Variants in CAMK1D observed in about 807,000 individuals in gnomAD.
CAMK1D encodes the protein calcium/calmodulin-dependent protein kinase type 1D.
In CAMK1D, 9 loss-of-function variants were observed where a neutral mutation model predicts 47.7. The ratio of observed to expected loss-of-function variants is 0.19; its 90% CI spans 0.11 to 0.33. CAMK1D has a LOEUF of 0.33. CAMK1D is among the 10% of genes least tolerant of loss of function. The pLI is 1.00. For synonymous variants in CAMK1D, 184 were observed against 184.9 expected (o/e 0.99, Z 0.04); for missense variants, 291 against 488.7 (o/e 0.60, Z 3.81).
At chr10:12,377,219 TC>T (rs144043009) in intron 1 of CAMK1D, among the ~76,000 whole-genome samples, 74 of 151,498 alleles carry the variant, frequency 4.9e-4, no homozygotes, top group Admixed American at 1.4e-3. Context: ...AAAATGTTCT[TC>T]CCAGTGTTCT....
chr10:12,542,514 T>C (rs2815637), intron 1 of CAMK1D, among the ~76,000 whole-genome samples: 41,336 of 152,084 alleles, frequency 0.27, 6,508 homozygotes, highest in Admixed American at 0.35. Context: ...CACCGAGTGG[T>C]TGGTTTAGTG....
intron 6 of CAMK1D, among the ~76,000 whole-genome samples, chr10:12,801,792 G>A (rs944476786): frequency 1.3e-4 from 20 of 152,184 alleles, no homozygotes; most frequent in African/African-American, 4.1e-4. Flanking sequence ...TTAGGACATG[G>A]AATACATGAC....
Position 12,834,931 on chromosome 10 carries a change from T to C in CAMK1D, c.*6044T>C, listed in dbSNP as rs1410923912. The C allele has an allele frequency of 1.3e-5, 2 of 152,154 alleles. No individual in the cohort carries two copies. The highest frequency in any genetic ancestry group is 2.9e-5 in the Non-Finnish European group (2 of 68,030). The allele number at this position is 152,154 out of a possible 1,614,324, so 9.4% of individuals were successfully genotyped here. A position where few individuals can be genotyped will look rare whatever the true frequency, so the allele number is the denominator to read the frequency against. On this transcript the variant is annotated 3_prime_UTR_variant, in exon 11 of 11. Coordinates refer to ENST00000619168, the MANE Select transcript of CAMK1D (RefSeq NM_153498.4). ...GAACAAGAACATCAGCTCGGATGTT[T>C]GTCTCTCAGCCCTGACACCTGCCAC...
intron 1 of CAMK1D, among the ~76,000 whole-genome samples, chr10:12,368,814 T>G (rs1837926029): frequency 6.6e-6 from 1 of 151,742 alleles, no homozygotes; most frequent in Non-Finnish European, 1.5e-5. Context: ...ACGTTGACTT[T>G]ATTTATTTAT....
intron 2 of CAMK1D, among the ~76,000 whole-genome samples, chr10:12,571,832 G>T (rs1837337818): frequency 6.6e-6 from 1 of 152,020 alleles, no homozygotes; most frequent in African/African-American, 2.4e-5. Context: ...CTTTTTAGGG[G>T]CATCAAATTG....
chr10:12,565,798 C>G (rs370185415), intron 2 of CAMK1D, among the ~76,000 whole-genome samples: 3 of 152,132 alleles, frequency 2.0e-5, no homozygotes, highest in African/African-American at 7.2e-5. Context: ...GGAAGTTACC[C>G]AGGTCTGTGT....
At chr10:12,606,109 G>A (rs1838452662) in intron 2 of CAMK1D, among the ~76,000 whole-genome samples, 1 of 152,254 alleles carries the variant, frequency 6.6e-6, no homozygotes, top group South Asian at 2.1e-4. Flanking sequence ...GCCGCTTGGA[G>A]TTGAAAGCAG....
chr10:12,556,451 G>C (rs1836764175), intron 2 of CAMK1D, among the ~76,000 whole-genome samples: 1 of 152,164 alleles, frequency 6.6e-6, no homozygotes, highest in Non-Finnish European at 1.5e-5. Context: ...CTCAAGGGTA[G>C]GGGGTGCTGT....
intron 1 of CAMK1D, among the ~76,000 whole-genome samples, chr10:12,499,870 G>C (rs933718914): frequency 1.3e-5 from 2 of 152,182 alleles, no homozygotes; most frequent in African/African-American, 4.8e-5. Context: ...TATTCAAGGA[G>C]AGGGAATGAC....
intron 3 of CAMK1D, among the ~76,000 whole-genome samples, chr10:12,721,100 A>C (rs1169084438): frequency 6.8e-6 from 1 of 148,022 alleles, no homozygotes; most frequent in African/African-American, 2.5e-5. Flanking sequence ...CGTGATTAGC[A>C]AACATGCGCA....
chr10:12,648,711 TCCAC>T (rs1418992540), intron 2 of CAMK1D, among the ~76,000 whole-genome samples: 10 of 152,008 alleles, frequency 6.6e-5, no homozygotes, highest in East Asian at 5.8e-4. Context: ...CCTCAGGTGA[TCCAC>T]CCACCTCAGC....
chr10:12,826,924 T>A (rs1025448826), intron 10 of CAMK1D, among the ~76,000 whole-genome samples: 42 of 152,342 alleles, frequency 2.8e-4, no homozygotes, highest in African/African-American at 9.9e-4. Flanking sequence ...TGTCCCCATG[T>A]CTGAGCACAC....
chr10:12,409,088 C>G (rs1302495631), intron 1 of CAMK1D, among the ~76,000 whole-genome samples: 1 of 151,980 alleles, frequency 6.6e-6, no homozygotes, highest in Non-Finnish European at 1.5e-5. Context: ...AACTCCTGAC[C>G]TCAAATGATC....
chr10:12,482,005 G>A (rs1421194924), intron 1 of CAMK1D, among the ~76,000 whole-genome samples: 6 of 152,150 alleles, frequency 3.9e-5, no homozygotes, highest in South Asian at 2.1e-4. Context: ...AAATCCCTTC[G>A]TGATCCATCA....
In CAMK1D at chr10:12,436,517, C is replaced by A. The variant is rs1227753938; in HGVS notation, c.92+86607C>A. 7.2e-5 allele frequency among the ~76,000 whole-genome samples: 11 copies of A among 152,344 alleles called. No homozygotes were observed. In the East Asian group the frequency reaches 2.1e-3, roughly 29 times the overall value. ...TGAAAGAAAGGACAACTTTTGACTT[C>A]TGTGGGGTTTATGTTCACTGGTGGC... On this transcript the variant is annotated intron_variant, in intron 1 of 10. Coordinates refer to ENST00000619168, the MANE Select transcript of CAMK1D (RefSeq NM_153498.4).
intron 1 of CAMK1D, among the ~76,000 whole-genome samples, chr10:12,388,797 A>G (rs1360673798): frequency 1.3e-5 from 2 of 152,166 alleles, no homozygotes; most frequent in South Asian, 2.1e-4. Flanking sequence ...TCTGCTGTGA[A>G]GGGAAAACCA....
At chr10:12,374,942 C>CAAAA (rs71384315) in intron 1 of CAMK1D, among the ~76,000 whole-genome samples, 2 of 94,534 alleles carry the variant, frequency 2.1e-5, no homozygotes, top group Non-Finnish European at 2.0e-5. Context: ...GACTCCGTCT[C>CAAAA]AAAAAAAAAA....
At chr10:12,485,096 G>T (rs546997758) in intron 1 of CAMK1D, among the ~76,000 whole-genome samples, 1 of 152,210 alleles carries the variant, frequency 6.6e-6, no homozygotes, top group Non-Finnish European at 1.5e-5. Context: ...TGTTTTCACC[G>T]CTCCCCATAC....
intron 2 of CAMK1D, among the ~76,000 whole-genome samples, chr10:12,553,640 G>A (rs952847425): frequency 5.3e-5 from 8 of 152,180 alleles, no homozygotes; most frequent in Non-Finnish European, 7.3e-5. Context: ...CCGAGTGACC[G>A]TGGGCCGGCT....
Sources: allele counts gnomAD v4.1 joint callset (sites outside exome capture counted in the v4.1 genomes callset), GRCh38; gene constraint gnomAD v4.1.1; transcripts MANE v1.5; gene names NCBI Gene and HGNC (gene_info 2026-07-23, HGNC 2026-07-21).